Variants in SLC2A9 observed in about 807,000 individuals in gnomAD.
The protein encoded by SLC2A9 is solute carrier family 2, facilitated glucose transporter member 9.
Under a neutral mutation model 50.6 loss-of-function variants are expected in SLC2A9, and 39 were observed. That is an observed-to-expected ratio of 0.77 (90% CI 0.60 to 1.01). The LOEUF (loss-of-function observed/expected upper bound fraction) is 1.01, where lower values mean the gene tolerates loss of function less well. Ranked by LOEUF, SLC2A9 falls within the 50% of genes least tolerant of loss-of-function variation. SLC2A9 has a pLI of 0.00. For synonymous variants in SLC2A9, 324 were observed against 276.9 expected (o/e 1.17, Z -1.69); for missense variants, 686 against 677.6 (o/e 1.01, Z -0.14).
chr4:9,992,375 G>T (rs1757861207), intron 3 of SLC2A9, among the ~76,000 whole-genome samples: 1 of 152,374 alleles, frequency 6.6e-6, no homozygotes, highest in African/African-American at 2.4e-5. Context: ...ATTCTTTGCT[G>T]TGGGGGTTGT....
chr4:10,019,719 T>C (rs563173130), intron 1 of SLC2A9, among the ~76,000 whole-genome samples: 1 of 152,210 alleles, frequency 6.6e-6, no homozygotes, highest in Non-Finnish European at 1.5e-5. Flanking sequence ...CACATACTGT[T>C]CCAGTCTGAG....
intron 3 of SLC2A9, among the ~76,000 whole-genome samples, chr4:9,818,018 T>C (rs1443582806): frequency 1.3e-5 from 2 of 152,278 alleles, no homozygotes; most frequent in East Asian, 1.9e-4. Context: ...ACATTACTTA[T>C]AGTTTCCCAA....
At chr4:9,861,209 G>A (rs1731572302) in intron 10 of SLC2A9, among the ~76,000 whole-genome samples, 1 of 152,154 alleles carries the variant, frequency 6.6e-6, no homozygotes, top group Non-Finnish European at 1.5e-5. Context: ...GAGGTCTCAG[G>A]AATCTTCCAA....
In SLC2A9 at chr4:9,883,132, T is replaced by TACACAC. The variant is rs56300042; in HGVS notation, c.1291+4429_1291+4434dup. On this transcript the variant is annotated intron_variant, in intron 10 of 11. Transcript: ENST00000264784. ...TGGCAAAGAAGAACAGCAAGCTATC[T>TACACAC]ACACACACACACACACACACACACA... Among the ~76,000 whole-genome samples, 86 of 149,576 alleles carry TACACAC rather than the reference T, an allele frequency of 5.7e-4. No homozygotes were observed. In the South Asian group the frequency reaches 7.4e-3, roughly 13 times the overall value.
chr4:9,776,713 T>G (rs187804802), downstream of SLC2A9, among the ~76,000 whole-genome samples: 528 of 152,308 alleles, frequency 3.5e-3, 3 homozygotes, highest in Middle Eastern at 0.02. Flanking sequence ...TTCTGGTGTT[T>G]CCTGTCATCC....
intron 3 of SLC2A9, among the ~76,000 whole-genome samples, chr4:9,786,252 A>G (rs1161543436): frequency 6.6e-6 from 1 of 152,206 alleles, no homozygotes; most frequent in African/African-American, 2.4e-5. Context: ...CCCATTTTAC[A>G]GATAAGGAAA....
intron 3 of SLC2A9, among the ~76,000 whole-genome samples, chr4:9,817,954 T>C (rs927399484): frequency 2.0e-5 from 3 of 152,222 alleles, no homozygotes; most frequent in Non-Finnish European, 2.9e-5. Context: ...CATTCTTGGA[T>C]TGACCAGTGA....
At position 9,996,914 on chromosome 4, in the gene SLC2A9, A is replaced by G. The variant is rs757618713; in HGVS notation, c.277T>C (p.Trp93Arg). ...ATTGGACGTCCATGCCTTCTTTCCC[A>G]TGACTCATTGTAAAAGGCCTTGATG... ...PYIKAFYNES[W>R]ERRHGRPIDP... Residue 93 changes from tryptophan to arginine, a missense_variant, in exon 3 of 12, where the codon TGG becomes CGG. Coordinates refer to ENST00000264784, the MANE Select transcript of SLC2A9 (RefSeq NM_020041.3). 2.5e-6 allele frequency: 4 copies of G among 1,614,108 alleles called. No homozygotes were observed. Among genetic ancestry groups the G allele is most frequent in the Middle Eastern group, 1.7e-4 (1 of 6,060 alleles).
chr4:9,886,042 T>C (rs891882638), intron 10 of SLC2A9, among the ~76,000 whole-genome samples: 1 of 152,192 alleles, frequency 6.6e-6, no homozygotes, highest in African/African-American at 2.4e-5. Flanking sequence ...GGTGTGCATG[T>C]GTGTGTGAGT....
chr4:9,879,769 A>G, intron 10 of SLC2A9: 1 of 985,398 alleles, frequency 1.0e-6, no homozygotes, highest in Non-Finnish European at 1.2e-6. Flanking sequence ...GATTTTTAAA[A>G]CTGGAATTGA....
chr4:9,818,399 A>G, intron 3 of SLC2A9, among the ~76,000 whole-genome samples: 1 of 152,210 alleles, frequency 6.6e-6, no homozygotes, highest in Non-Finnish European at 1.5e-5. Flanking sequence ...AGGTAAGGGG[A>G]ACTTTATTCA....
At chr4:10,039,052 A>T (rs1406529708) in intron 1 of SLC2A9, among the ~76,000 whole-genome samples, 1 of 152,240 alleles carries the variant, frequency 6.6e-6, no homozygotes, top group East Asian at 1.9e-4. Flanking sequence ...GCTTTATTTT[A>T]AAAAGCAAGG....
intron 3 of SLC2A9, among the ~76,000 whole-genome samples, chr4:9,996,478 T>C (rs568857280): frequency 1.2e-4 from 18 of 152,088 alleles, no homozygotes; most frequent in African/African-American, 4.3e-4. Flanking sequence ...TGCAGCAGGA[T>C]GGAGGGTGGG....
downstream of SLC2A9, among the ~76,000 whole-genome samples, chr4:9,798,020 T>G (rs1475196096): frequency 1.3e-5 from 2 of 152,218 alleles, no homozygotes; most frequent in African/African-American, 4.8e-5. Context: ...GATGGATGGA[T>G]AGAGGCTGCT....
intron 1 of SLC2A9, among the ~76,000 whole-genome samples, chr4:10,020,729 G>A (rs974109268): frequency 2.6e-5 from 4 of 152,150 alleles, no homozygotes; most frequent in African/African-American, 7.2e-5. Context: ...TCCCAGCCCC[G>A]ATGACCTTAG....
At chr4:9,878,446 G>A (rs912843597) in intron 10 of SLC2A9, among the ~76,000 whole-genome samples, 1 of 151,990 alleles carries the variant, frequency 6.6e-6, no homozygotes, top group African/African-American at 2.4e-5. Context: ...ATATAATGGA[G>A]CCTCCATAGA....
intron 1 of SLC2A9, among the ~76,000 whole-genome samples, chr4:10,019,675 G>A (rs1174838009): frequency 6.6e-6 from 1 of 152,182 alleles, no homozygotes; most frequent in Non-Finnish European, 1.5e-5. Flanking sequence ...TGAGACTGCC[G>A]ACAGCCAGAC....
At chr4:9,882,579 G>C (rs1577681358) in intron 10 of SLC2A9, among the ~76,000 whole-genome samples, 1 of 152,014 alleles carries the variant, frequency 6.6e-6, no homozygotes, top group African/African-American at 2.4e-5. Context: ...CGTGATGGTG[G>C]ACGCCTGCAG....
At chr4:9,853,254 C>T (rs190471615) in intron 10 of SLC2A9, among the ~76,000 whole-genome samples, 2 of 151,580 alleles carry the variant, frequency 1.3e-5, no homozygotes, top group Admixed American at 1.3e-4. Flanking sequence ...CTTCAAGACA[C>T]CCATCTCACA....
Sources: allele counts gnomAD v4.1 joint callset (sites outside exome capture counted in the v4.1 genomes callset), GRCh38; gene constraint gnomAD v4.1.1; transcripts MANE v1.5; gene names NCBI Gene and HGNC (gene_info 2026-07-23, HGNC 2026-07-21).